RAG1: variants seen among roughly 807,000 people sequenced by gnomAD.
The protein encoded by RAG1 is V(D)J recombination-activating protein 1.
A neutral mutation model predicts 62.7 loss-of-function variants in RAG1; 35 were observed. That is an observed-to-expected ratio of 0.56 (90% CI 0.43 to 0.74). RAG1 has a LOEUF of 0.74. RAG1 is among the 30% of genes least tolerant of loss of function. The probability of loss-of-function intolerance (pLI) is 0.00; values close to 1 mark genes in which losing one functional copy is unlikely to be tolerated. For missense variants in RAG1, 1,169 were observed against 1,278.6 expected (o/e 0.91, Z 1.31); for synonymous variants, 461 against 470.3 (o/e 0.98, Z 0.26).
rs191783409 is a variant in RAG1 at position 36,568,931 on chromosome 11, T to C, written c.-15+809T>C. 2.6e-3 allele frequency among the ~76,000 whole-genome samples: 402 copies of C among 152,332 alleles called. 6 individuals are homozygous for C. Among genetic ancestry groups the C allele is most frequent in the African/African-American group, 9.3e-3 (386 of 41,578 alleles). On this transcript the variant is annotated intron_variant, in intron 1 of 1. Transcript: ENST00000299440. ...TGTCACATTTTTGATACATGATGTT[T>C]GGCAAAAAACAGACGATAGTATTTG...
Position 36,574,507 on chromosome 11 carries a change from G to C in RAG1, c.1203G>C (p.Ser401=), listed in dbSNP as rs753446485. The C allele has an allele frequency of 1.9e-6, 3 of 1,614,214 alleles. No homozygotes were observed. In the Admixed American group the frequency reaches 5.0e-5, roughly 27 times the overall value. The change falls in exon 2 of 2, where the codon TCG becomes TCC. Residue 401 remains serine (S), a synonymous_variant. Coordinates refer to ENST00000299440, the MANE Select transcript of RAG1 (RefSeq NM_000448.3). ...GCCGGCCCCGCCAACATCTTCTGTCGCTGACTCGGAGAGCTCAGAAGCACC... is the reference window on the plus strand; with the variant it reads ...GCCGGCCCCGCCAACATCTTCTGTCCCTGACTCGGAGAGCTCAGAAGCACC... ...KGGRPRQHLL[S]LTRRAQKHRL...
At chr11:36,530,586 G>C (rs1860239015) in intron 2 of RAG1, among the ~76,000 whole-genome samples, 1 of 151,676 alleles carries the variant, frequency 6.6e-6, no homozygotes, top group African/African-American at 2.4e-5. Context: ...TTGACCCACT[G>C]GTTACTTAGG....
Position 36,576,025 on chromosome 11 carries a change from A to T in RAG1, c.2721A>T (p.Glu907Asp), listed in dbSNP as rs1413331471. The stretch of plus-strand genomic sequence containing the variant: ...CATGCCCTGCTAAAGAGTGCCCAGA[A>T]TCCCTCTGCCAGTACAGTTTCAATT... ...RSSCPAKECP[E>D]SLCQYSFNSQ... The change falls in exon 2 of 2, where the codon GAA (glutamate) becomes GAT (aspartate). Residue 907 changes from glutamate to aspartate, a missense_variant. Around this residue, in one of 2 missense-constraint regions of RAG1, gnomAD observed 800 missense variants for 943.3 expected, o/e 0.85. Transcript: ENST00000299440. The T allele has an allele frequency of 3.7e-6, 6 of 1,614,148 alleles. No homozygotes were observed. In the Admixed American group the frequency reaches 5.0e-5, roughly 13 times the overall value.
intron 2 of RAG1, among the ~76,000 whole-genome samples, chr11:36,522,350 G>A (rs946906017): frequency 3.3e-5 from 5 of 151,962 alleles, no homozygotes; most frequent in African/African-American, 4.8e-5. Context: ...GGTATGGCTC[G>A]GGCTGTGGCT....
In RAG1 at chr11:36,516,953, G is replaced by C. The variant is rs186668460; in HGVS notation, n.331-3179G>C. ...TATCTGTATTTTGAAACAATTGGAG[G>C]TTTATCGTTTAGGAAGTGTCTGAAT... On this transcript the variant is annotated intron_variant and non_coding_transcript_variant, in intron 1 of 2. Transcript: ENST00000529126. 1.3e-4 allele frequency among the ~76,000 whole-genome samples: 20 copies of C among 152,284 alleles called. No homozygotes were observed. The East Asian group carries it at 3.9e-3, about 29-fold the overall frequency.
chr11:36,566,497 A>C (rs913088611), upstream of RAG1: 5 of 152,134 alleles, frequency 3.3e-5, no homozygotes, highest in African/African-American at 1.2e-4. Flanking sequence ...AGTCCATTGG[A>C]GATGCAAGAT....
At chr11:36,520,273 T>A (rs1026117995) in intron 2 of RAG1, 1 of 152,218 alleles carries the variant, frequency 6.6e-6, no homozygotes, top group Non-Finnish European at 1.5e-5. Flanking sequence ...ATTTATTTTT[T>A]AATTTTTTTT....
chr11:36,558,443 G>A (rs1189735957), intron 3 of RAG1, among the ~76,000 whole-genome samples: 1 of 152,144 alleles, frequency 6.6e-6, no homozygotes, highest in African/African-American at 2.4e-5. Flanking sequence ...ACATATCTGA[G>A]TTCTCTGGTG....
At chr11:36,511,081 T>C (rs939025849) in intron 1 of RAG1, 4 of 152,240 alleles carry the variant, frequency 2.6e-5, no homozygotes, top group Non-Finnish European at 5.9e-5. Flanking sequence ...TCTCATCTCG[T>C]ATTAACATGG....
chr11:36,550,028 A>G (rs544859870), intron 3 of RAG1, among the ~76,000 whole-genome samples: 33 of 152,336 alleles, frequency 2.2e-4, no homozygotes, highest in African/African-American at 7.5e-4. Context: ...CAAACCAAAC[A>G]CTACATGTTC....
At chr11:36,541,811 C>G (rs1016566485) in intron 3 of RAG1, among the ~76,000 whole-genome samples, 3 of 152,110 alleles carry the variant, frequency 2.0e-5, no homozygotes, top group African/African-American at 7.2e-5. Context: ...AAGTCAAATA[C>G]TTGAAGAGCT....
downstream of RAG1, among the ~76,000 whole-genome samples, chr11:36,539,605 C>T (rs1004604675): frequency 6.6e-6 from 1 of 152,168 alleles, no homozygotes; most frequent in South Asian, 2.1e-4. Flanking sequence ...CTGCCTCAGC[C>T]TCCAGAGTGG....
upstream of RAG1, among the ~76,000 whole-genome samples, chr11:36,566,821 A>G (rs1850668726): frequency 6.6e-6 from 1 of 152,192 alleles, no homozygotes; most frequent in African/African-American, 2.4e-5. Context: ...CTGTGGCCCC[A>G]GGGCTGTTGT....
chr11:36,514,386 C>T (rs1204494424), intron 1 of RAG1, among the ~76,000 whole-genome samples: 1 of 152,224 alleles, frequency 6.6e-6, no homozygotes, highest in African/African-American at 2.4e-5. Flanking sequence ...AGCAGTGCAG[C>T]AGTCCCCAAA....
At position 36,575,434 on chromosome 11, in the gene RAG1, T is replaced by G; in HGVS notation, c.2130T>G (p.Tyr710Ter). Residue 710 changes from tyrosine to a stop codon, truncating the protein, a stop_gained, in exon 2 of 2, where the codon TAT (tyrosine) becomes TAG (stop). Coordinates refer to ENST00000299440, the MANE Select transcript of RAG1 (RefSeq NM_000448.3). LOFTEE classifies it high-confidence loss of function. This position sits in a 1 kb window ranked among gnomAD's most constrained non-coding sequence, Gnocchi z 4.1. Reference protein sequence around the residue: ...TFKFIFRGTGYDEKLVREVEG... With the variant: ...TFKFIFRGTG ...AGTTCATCTTCAGGGGCACCGGCTA[T>G]GATGAAAAACTTGTGCGGGAAGTGG... is the stretch of plus-strand genomic sequence containing the variant. 1 of 1,614,168 alleles carries G rather than the reference T, an allele frequency of 6.2e-7. No individual in the cohort carries two copies.
At position 36,575,428 on chromosome 11, in the gene RAG1, C is replaced by T. The variant is rs578086152; in HGVS notation, c.2124C>T (p.Thr708=). Residue 708 remains threonine (T), a synonymous_variant, in exon 2 of 2, where the codon ACC becomes ACT. Transcript: ENST00000299440. This position sits in a 1 kb window ranked among gnomAD's most constrained non-coding sequence, Gnocchi z 4.1. ...CTTTCAAGTTCATCTTCAGGGGCAC[C>T]GGCTATGATGAAAAACTTGTGCGGG... ...LRTFKFIFRG[T]GYDEKLVREV... 14 of 1,614,038 alleles carry T rather than the reference C, an allele frequency of 8.7e-6. No homozygotes were observed. The highest frequency in any genetic ancestry group is 2.2e-5 in the South Asian group (2 of 91,068).
intron 2 of RAG1, among the ~76,000 whole-genome samples, chr11:36,530,673 T>G (rs1178513067): frequency 1.3e-5 from 2 of 152,022 alleles, no homozygotes; most frequent in African/African-American, 4.8e-5. Flanking sequence ...TAACTTCATT[T>G]TAGTCAGAGA....
rs981506902 is a variant in RAG1, at chr11:36,576,657, A to G, written c.*221A>G. The G allele has an allele frequency of 8.5e-6, 5 of 589,424 alleles. No individual in the cohort carries two copies. The highest frequency in any genetic ancestry group is 1.5e-5 in the Non-Finnish European group (5 of 325,400). The allele number at this position is 589,424 out of a possible 1,614,324, so 36.5% of individuals were successfully genotyped here. On this transcript the variant is annotated 3_prime_UTR_variant, in exon 2 of 2. Transcript: ENST00000299440. The stretch of plus-strand genomic sequence containing the variant: ...GTTCCGAAAAGCAACAGGAAAAATC[A>G]GTTATCTGAAAGCTCAGTAACTCAG...
rs563058452 is a variant in RAG1 at position 36,568,641 on chromosome 11, A to G, written c.-15+519A>G. Among the ~76,000 whole-genome samples the G allele has an allele frequency of 6.6e-5, 10 of 152,336 alleles. No homozygotes were observed. In the South Asian group the frequency reaches 8.3e-4, roughly 13 times the overall value. ...ATGCAATTTCTGGATTCCTTCCCAA[A>G]CAGCCAGACTCTTTGGGACCTGATG... On this transcript the variant is annotated intron_variant, in intron 1 of 1. Coordinates refer to ENST00000299440, the MANE Select transcript of RAG1 (RefSeq NM_000448.3).
Sources: allele counts gnomAD v4.1 joint callset (sites outside exome capture counted in the v4.1 genomes callset), GRCh38; gene constraint gnomAD v4.1.1; regional missense constraint gnomAD v4.1.1; non-coding constraint Gnocchi (gnomAD v3.1); transcripts MANE v1.5; gene names NCBI Gene and HGNC (gene_info 2026-07-23, HGNC 2026-07-21).